Variants in CELF2 observed in about 807,000 individuals in gnomAD.
CELF2 encodes the protein CUGBP Elav-like family member 2, also known as CUG triplet repeat RNA-binding protein 2.
CELF2 carries 8 observed loss-of-function variants against 62.6 expected under a neutral mutation model. The observed-to-expected ratio is 0.13, with a 90% confidence interval of 0.07 to 0.23. The LOEUF is 0.23. Among genes scored for constraint, CELF2 ranks in the 10% least tolerant of loss-of-function variants. CELF2 has a pLI of 1.00. For missense variants in CELF2, 333 were observed against 671.0 expected, an observed-to-expected ratio of 0.50 and a Z score of 5.56; for synonymous variants, 258 against 250.0, an observed-to-expected ratio of 1.03 and a Z score of -0.30.
intron 1 of CELF2, among the ~76,000 whole-genome samples, chr10:10,903,264 A>T (rs914314930): frequency 3.9e-5 from 6 of 152,228 alleles, no homozygotes; most frequent in African/African-American, 1.4e-4. Context: ...CTACCAGTCC[A>T]CAATTCCAGA....
At chr10:10,868,288 T>G (rs960607516) in intron 1 of CELF2, among the ~76,000 whole-genome samples, 16 of 152,208 alleles carry the variant, frequency 1.1e-4, no homozygotes, top group African/African-American at 3.6e-4. Context: ...GGATCAGAGA[T>G]GCAAGATGGC....
At chr10:11,281,680 G>A (rs1030511002) in intron 8 of CELF2, among the ~76,000 whole-genome samples, 1 of 152,182 alleles carries the variant, frequency 6.6e-6, no homozygotes, top group African/African-American at 2.4e-5. Flanking sequence ...TTGAGCCTGG[G>A]AGATGATGGC....
At chr10:10,914,329 A>G (rs1290012178) in intron 1 of CELF2, among the ~76,000 whole-genome samples, 2 of 152,308 alleles carry the variant, frequency 1.3e-5, no homozygotes, top group African/African-American at 4.8e-5. Flanking sequence ...TCTTGCTTCA[A>G]CACTTCCTAA....
At chr10:11,193,649 C>A (rs550053755) in intron 2 of CELF2, among the ~76,000 whole-genome samples, 1 of 152,194 alleles carries the variant, frequency 6.6e-6, no homozygotes, top group East Asian at 1.9e-4. Flanking sequence ...ACCTAGGGGC[C>A]GGGTGTACAG....
chr10:11,114,930 A>G (rs1249562129), intron 1 of CELF2, among the ~76,000 whole-genome samples: 1 of 152,154 alleles, frequency 6.6e-6, no homozygotes, highest in Non-Finnish European at 1.5e-5. Context: ...TCTGTATGTA[A>G]TTCTGTCCCT....
At chr10:10,716,829 T>C in the CELF2 span, among the ~76,000 whole-genome samples, 1 of 152,124 alleles carries the variant, frequency 6.6e-6, no homozygotes. Flanking sequence ...CATTTTGAGG[T>C]TTTTTTCTGC....
At chr10:10,914,073 A>G (rs1319780874) in intron 1 of CELF2, among the ~76,000 whole-genome samples, 1 of 152,198 alleles carries the variant, frequency 6.6e-6, no homozygotes, top group African/African-American at 2.4e-5. Context: ...TTCTACAACT[A>G]GAACATTAAA....
At chr10:10,624,039 T>C in the CELF2 span, among the ~76,000 whole-genome samples, 4 of 152,172 alleles carry the variant, frequency 2.6e-5, no homozygotes, top group African/African-American at 9.7e-5. Context: ...ACTCTTCTGC[T>C]CTTGTCTCTG....
At chr10:10,998,050 G>A (rs2054152285) in intron 2 of CELF2, among the ~76,000 whole-genome samples, 1 of 152,134 alleles carries the variant, frequency 6.6e-6, no homozygotes, top group Non-Finnish European at 1.5e-5. Context: ...ACGCTCTCTT[G>A]CCTGCCACCA....
chr10:10,770,079 T>G, the CELF2 span, among the ~76,000 whole-genome samples: 1 of 152,112 alleles, frequency 6.6e-6, no homozygotes, highest in Admixed American at 6.5e-5. Flanking sequence ...TATAGATTGA[T>G]GTGAACAGGG....
At chr10:10,912,072 A>T (rs1422243018) in intron 1 of CELF2, among the ~76,000 whole-genome samples, 1 of 152,238 alleles carries the variant, frequency 6.6e-6, no homozygotes, top group African/African-American at 2.4e-5. Context: ...TTCATACAGC[A>T]GGTACCCCGT....
chr10:11,118,966 G>A (rs1399933051), intron 1 of CELF2, among the ~76,000 whole-genome samples: 1 of 152,148 alleles, frequency 6.6e-6, no homozygotes, highest in Non-Finnish European at 1.5e-5. Flanking sequence ...GCCAGTCTCC[G>A]ATGGTGACTT....
the CELF2 span, among the ~76,000 whole-genome samples, chr10:10,537,607 T>C: frequency 6.6e-6 from 1 of 152,162 alleles, no homozygotes; most frequent in Admixed American, 6.5e-5. Context: ...TAGGACTCCT[T>C]GGGGTGATCC....
chr10:10,659,579 C>T, the CELF2 span, among the ~76,000 whole-genome samples: 1 of 152,116 alleles, frequency 6.6e-6, no homozygotes. Flanking sequence ...TAGTTCATAC[C>T]TTACCTGTCC....
intron 1 of CELF2, among the ~76,000 whole-genome samples, chr10:10,910,044 C>G (rs1167045198): frequency 6.6e-6 from 1 of 152,086 alleles, no homozygotes; most frequent in Non-Finnish European, 1.5e-5. Context: ...TTTGCAAATC[C>G]CTCTTTGATC....
At chr10:10,674,189 A>G in the CELF2 span, among the ~76,000 whole-genome samples, 4 of 152,334 alleles carry the variant, frequency 2.6e-5, 1 homozygote, top group East Asian at 7.7e-4. Context: ...TTTGCCTGGT[A>G]TATTTTCATG....
chr10:10,694,807 C>A, the CELF2 span, among the ~76,000 whole-genome samples: 2 of 151,738 alleles, frequency 1.3e-5, no homozygotes, highest in Admixed American at 6.6e-5. Context: ...GGTTTAAAGT[C>A]TGTTTTATCA....
the CELF2 span, among the ~76,000 whole-genome samples, chr10:10,652,027 A>AGGAGCTGAT: frequency 1.5e-4 from 22 of 150,606 alleles, no homozygotes; most frequent in African/African-American, 5.1e-4. Context: ...AAGTGCTTAA[A>AGGAGCTGAT]GGAGCTGATG....
intron 3 of CELF2, among the ~76,000 whole-genome samples, chr10:11,248,138 T>TG (rs1815040687): frequency 2.0e-5 from 3 of 152,226 alleles, no homozygotes; most frequent in Non-Finnish European, 2.9e-5. Flanking sequence ...GCGCAGCCAG[T>TG]GATTCCTTCC....
Sources: gnomAD v4.1 joint callset for allele counts (sites outside exome capture counted in the v4.1 genomes callset) on GRCh38, gnomAD v4.1.1 for gene constraint, MANE v1.5 for transcripts, NCBI Gene and HGNC (gene_info 2026-07-23, HGNC 2026-07-21) for gene names.